The following CNTNAP2 variants were observed in gnomAD, a reference collection of about 807,000 sequenced individuals.
CNTNAP2 encodes the protein contactin-associated protein-like 2.
CNTNAP2 carries 98 observed loss-of-function variants against 155.2 expected under a neutral mutation model. The observed-to-expected ratio is 0.63, with a 90% CI of 0.54 to 0.75. The LOEUF is 0.75. Among genes scored for constraint, CNTNAP2 ranks in the 30% least tolerant of loss-of-function variants. CNTNAP2 has a pLI of 0.00. For missense variants in CNTNAP2, 1,727 were observed against 1,688.1 expected (o/e 1.02, Z -0.40); for synonymous variants, 651 against 631.2 (o/e 1.03, Z -0.47).
intron 10 of CNTNAP2, among the ~76,000 whole-genome samples, chr7:147,483,106 G>A (rs1009863281): frequency 1.3e-5 from 2 of 151,666 alleles, no homozygotes; most frequent in East Asian, 1.9e-4. Context: ...TATTAAAATT[G>A]TATCTAAATA....
chr7:147,022,470 T>A (rs1477114601), intron 3 of CNTNAP2, among the ~76,000 whole-genome samples: 1 of 152,108 alleles, frequency 6.6e-6, no homozygotes, highest in East Asian at 1.9e-4. Context: ...TCTACAAACA[T>A]AATACCTAAA....
chr7:147,868,808 G>A (rs552486472), intron 13 of CNTNAP2, among the ~76,000 whole-genome samples: 9 of 152,308 alleles, frequency 5.9e-5, no homozygotes, highest in East Asian at 3.9e-4. Flanking sequence ...CTTGTCTGCC[G>A]GTTGCTAAGA....
intron 18 of CNTNAP2, among the ~76,000 whole-genome samples, chr7:148,214,241 C>T (rs948914592): frequency 6.6e-5 from 10 of 152,210 alleles, no homozygotes; most frequent in Non-Finnish European, 1.2e-4. Flanking sequence ...GTTGTCAGCA[C>T]CCAGCATCGT....
At chr7:148,199,462 G>C (rs1795332509) in intron 18 of CNTNAP2, among the ~76,000 whole-genome samples, 1 of 152,202 alleles carries the variant, frequency 6.6e-6, no homozygotes, top group African/African-American at 2.4e-5. Context: ...GTTTGAGATA[G>C]ACTGTAGACA....
At chr7:146,119,951 A>C (rs958710809) in intron 1 of CNTNAP2, among the ~76,000 whole-genome samples, 1 of 152,000 alleles carries the variant, frequency 6.6e-6, no homozygotes, top group Admixed American at 6.6e-5. Context: ...AAGTACATAG[A>C]TACATATTTA....
chr7:146,704,139 A>G (rs188257667), intron 1 of CNTNAP2, among the ~76,000 whole-genome samples: 66 of 152,302 alleles, frequency 4.3e-4, no homozygotes, highest in Admixed American at 1.2e-3. Flanking sequence ...AATTGCAATC[A>G]TGGAGAGACA....
At chr7:147,063,484 G>A (rs964615612) in intron 4 of CNTNAP2, among the ~76,000 whole-genome samples, 1 of 152,112 alleles carries the variant, frequency 6.6e-6, no homozygotes, top group Admixed American at 6.6e-5. Flanking sequence ...TTTAAGGGAG[G>A]AGGAGATAAC....
chr7:146,512,369 G>A (rs1001763253), intron 1 of CNTNAP2, among the ~76,000 whole-genome samples: 9 of 151,638 alleles, frequency 5.9e-5, no homozygotes, highest in Admixed American at 2.6e-4. Flanking sequence ...TTCTCTACAT[G>A]TATCATTAGG....
chr7:146,238,670 C>A (rs1395426801), intron 1 of CNTNAP2, among the ~76,000 whole-genome samples: 1 of 152,110 alleles, frequency 6.6e-6, no homozygotes, highest in Non-Finnish European at 1.5e-5. Flanking sequence ...CTGTAGTAGT[C>A]CAGTCTCACT....
In CNTNAP2 at chr7:146,625,797, G is replaced by C. The variant is rs555926120; in HGVS notation, c.98-148474G>C. Among the ~76,000 whole-genome samples, 26 of 152,090 alleles carry C rather than the reference G, an allele frequency of 1.7e-4. No homozygotes were observed. In the South Asian group the frequency reaches 5.2e-3, roughly 30 times the overall value. On this transcript the variant is annotated intron_variant, in intron 1 of 23. Coordinates refer to ENST00000361727, the MANE Select transcript of CNTNAP2 (RefSeq NM_014141.6). The stretch of plus-strand genomic sequence containing the variant: ...ATTCTCATAAGTAATTCAGCGATGA[G>C]CTATCAGCTACCGGTAATGAATTCT...
chr7:146,991,658 C>T (rs10215441), intron 3 of CNTNAP2, among the ~76,000 whole-genome samples: 8,416 of 152,156 alleles, frequency 0.055, 384 homozygotes, highest in East Asian at 0.18. Flanking sequence ...CTTAGCTAAG[C>T]TGGTTTTGAA....
At chr7:146,397,453 G>A (rs991354885) in intron 1 of CNTNAP2, among the ~76,000 whole-genome samples, 2 of 152,078 alleles carry the variant, frequency 1.3e-5, no homozygotes, top group Admixed American at 1.3e-4. Context: ...TAATTTATAG[G>A]AATTTGTACA....
chr7:147,027,166 G>A (rs550976939), intron 3 of CNTNAP2, among the ~76,000 whole-genome samples: 1 of 152,222 alleles, frequency 6.6e-6, no homozygotes, highest in East Asian at 1.9e-4. Context: ...AGAAGTTAAA[G>A]TTGTGGCCAT....
intron 1 of CNTNAP2, among the ~76,000 whole-genome samples, chr7:146,237,265 G>A (rs944966554): frequency 6.6e-6 from 1 of 152,156 alleles, no homozygotes; most frequent in African/African-American, 2.4e-5. Context: ...TGTTCTCAAA[G>A]TAGCCACCAC....
At chr7:148,313,004 T>C (rs558468692) in intron 21 of CNTNAP2, among the ~76,000 whole-genome samples, 1 of 151,900 alleles carries the variant, frequency 6.6e-6, no homozygotes, top group East Asian at 1.9e-4. Flanking sequence ...AAGCAGATAA[T>C]TTAGTTAAAG....
intron 15 of CNTNAP2, among the ~76,000 whole-genome samples, chr7:147,981,805 GT>G (rs1801534926): frequency 6.6e-6 from 1 of 151,210 alleles, no homozygotes; most frequent in Non-Finnish European, 1.5e-5. Flanking sequence ...GTGTGTGTGT[GT>G]GTGTGTGTGT....
chr7:147,903,080 G>A (rs141087016), intron 13 of CNTNAP2, among the ~76,000 whole-genome samples: 2,320 of 152,140 alleles, frequency 0.015, 106 homozygotes, highest in Admixed American at 0.1. Flanking sequence ...GTACTAGTTC[G>A]CATTCCCACC....
intron 4 of CNTNAP2, among the ~76,000 whole-genome samples, chr7:147,101,757 C>T (rs544269722): frequency 4.1e-4 from 63 of 152,246 alleles, no homozygotes; most frequent in African/African-American, 1.3e-3. Context: ...TCTTGATGTA[C>T]AGACGCTTCC....
chr7:147,562,179 C>T lies in CNTNAP2; in HGVS notation c.1819C>T (p.Gln607Ter), dbSNP rs886041991. 2.5e-6 allele frequency: 4 copies of T among 1,613,978 alleles called. No homozygotes were observed. The highest frequency in any genetic ancestry group is 3.4e-6 in the Non-Finnish European group (4 of 1,179,908). Residue 607 changes from glutamine to a stop codon, truncating the protein, a stop_gained, in exon 12 of 24, where the codon CAG becomes TAG. Coordinates refer to ENST00000361727, the MANE Select transcript of CNTNAP2 (RefSeq NM_014141.6). LOFTEE classifies it high-confidence loss of function. ...CTGTGAAGCCTACAAACACCTAGGACAGACATCAAATTATTACTGGATAGA... is the reference window on the plus strand; with the variant it reads ...CTGTGAAGCCTACAAACACCTAGGATAGACATCAAATTATTACTGGATAGA... ...PSCEAYKHLG[Q>*]TSNYYWIDPD...
Sources: gnomAD v4.1 joint callset for allele counts (sites outside exome capture counted in the v4.1 genomes callset) on GRCh38, gnomAD v4.1.1 for gene constraint, MANE v1.5 for transcripts, NCBI Gene and HGNC (gene_info 2026-07-23, HGNC 2026-07-21) for gene names.